The following CALN1 variants were observed in gnomAD, a reference collection of about 807,000 sequenced individuals.
CALN1 encodes the protein calneuron 1, also known as calcium-binding protein 8.
In CALN1, 17 loss-of-function variants were observed where a neutral mutation model predicts 30.6. That is an observed-to-expected ratio of 0.56 (90% CI 0.38 to 0.83). The LOEUF is 0.83. CALN1 is among the 40% of genes least tolerant of loss of function. CALN1 has a pLI of 0.00. For missense variants in CALN1, 291 were observed against 354.9 expected, an observed-to-expected ratio of 0.82 and a Z score of 1.45; for synonymous variants, 156 against 131.4, an observed-to-expected ratio of 1.19 and a Z score of -1.28.
chr7:72,030,883 A>G (rs770069898), intron 4 of CALN1, among the ~76,000 whole-genome samples: 33 of 152,080 alleles, frequency 2.2e-4, no homozygotes, highest in Non-Finnish European at 4.3e-4. Context: ...AGTACCTGGA[A>G]CTACAGGAGC....
intron 5 of CALN1, among the ~76,000 whole-genome samples, chr7:71,826,159 A>G (rs1788903624): frequency 6.6e-6 from 1 of 151,742 alleles, no homozygotes; most frequent in Admixed American, 6.6e-5. Context: ...GAGAGACAGG[A>G]GGACAGAGAG....
intron 3 of CALN1, among the ~76,000 whole-genome samples, chr7:72,228,344 G>A (rs1337556044): frequency 6.6e-6 from 1 of 151,626 alleles, no homozygotes; most frequent in Non-Finnish European, 1.5e-5. Context: ...ATAACAATTA[G>A]TTTAAATGTC....
chr7:72,372,496 A>G (rs890882790), intron 2 of CALN1, among the ~76,000 whole-genome samples: 1 of 152,182 alleles, frequency 6.6e-6, no homozygotes, highest in African/African-American at 2.4e-5. Context: ...GATAGGGAAA[A>G]GTTTGCTAAA....
intron 3 of CALN1, among the ~76,000 whole-genome samples, chr7:72,273,899 G>GA (rs948140844): frequency 8.6e-5 from 13 of 151,572 alleles, no homozygotes; most frequent in African/African-American, 1.2e-4. Context: ...AAGCATAATA[G>GA]AAAAAAGCAA....
intron 1 of CALN1, among the ~76,000 whole-genome samples, chr7:72,406,487 G>A (rs775184316): frequency 1.4e-4 from 22 of 152,150 alleles, no homozygotes; most frequent in Non-Finnish European, 2.8e-4. Flanking sequence ...GTCCTCTAAA[G>A]TCCATTTGCT....
chr7:72,502,472 C>T, the CALN1 span, among the ~76,000 whole-genome samples: 1 of 151,074 alleles, frequency 6.6e-6, no homozygotes, highest in Non-Finnish European at 1.5e-5. Context: ...ACTACTGTTA[C>T]AGGCATTTAA....
intron 3 of CALN1, among the ~76,000 whole-genome samples, chr7:72,175,336 G>C (rs1161182445): frequency 3.9e-5 from 6 of 152,148 alleles, no homozygotes; most frequent in Non-Finnish European, 8.8e-5. Flanking sequence ...GCCTCCCAAA[G>C]TGTTGGGATT....
chr7:72,397,251 A>T (rs1227529699), intron 2 of CALN1, among the ~76,000 whole-genome samples: 1 of 152,182 alleles, frequency 6.6e-6, no homozygotes, highest in Non-Finnish European at 1.5e-5. Context: ...ATACTGAAGC[A>T]GAAGTAACAA....
At chr7:72,364,599 C>T (rs528873808) in intron 2 of CALN1, among the ~76,000 whole-genome samples, 5 of 152,126 alleles carry the variant, frequency 3.3e-5, no homozygotes, top group African/African-American at 1.2e-4. Context: ...ATGAACAAAA[C>T]ACAGAATTAT....
intron 3 of CALN1, among the ~76,000 whole-genome samples, chr7:72,115,675 GC>G (rs1034228299): frequency 1.3e-5 from 2 of 151,416 alleles, no homozygotes; most frequent in South Asian, 2.1e-4. Context: ...TTTTAGTAGA[GC>G]CGGGTTTCGC....
intron 4 of CALN1, among the ~76,000 whole-genome samples, chr7:72,062,261 T>G (rs1803705869): frequency 6.6e-6 from 1 of 152,170 alleles, no homozygotes; most frequent in South Asian, 2.1e-4. Context: ...ACGCCTGTGA[T>G]CCCAGCACTT....
intron 3 of CALN1, among the ~76,000 whole-genome samples, chr7:72,236,425 G>C (rs541858124): frequency 6.6e-6 from 1 of 152,280 alleles, no homozygotes; most frequent in East Asian, 1.9e-4. Flanking sequence ...GTCTCTCATC[G>C]AGCAAGTTCT....
rs139505932 is a variant in CALN1, at chr7:72,424,696, G to A, written c.-225-12421C>T. Among the ~76,000 whole-genome samples the A allele has an allele frequency of 3.4e-3, 518 of 151,910 alleles. 1 individual carries two copies. Among genetic ancestry groups the A allele is most frequent in the African/African-American group, 0.012 (479 of 41,424 alleles). ...ACTGCAGCCTCAAACTTCTGACCTCGGGAGATCCTTCAACCTTAGCCTCCC... is the reference window on the plus strand; with the variant it reads ...ACTGCAGCCTCAAACTTCTGACCTCAGGAGATCCTTCAACCTTAGCCTCCC... On this transcript the variant is annotated intron_variant, in intron 1 of 6. Transcript: ENST00000395276.
intron 3 of CALN1, among the ~76,000 whole-genome samples, chr7:72,190,279 G>A (rs1256674065): frequency 1.3e-5 from 2 of 152,184 alleles, no homozygotes; most frequent in East Asian, 1.9e-4. Flanking sequence ...CCAGGAGGGA[G>A]AGGTTGCAGT....
chr7:72,079,337 G>A (rs1403625235), intron 4 of CALN1, among the ~76,000 whole-genome samples: 2 of 152,132 alleles, frequency 1.3e-5, no homozygotes, highest in Non-Finnish European at 2.9e-5. Flanking sequence ...ATATGTAAGA[G>A]GAGTCTATTC....
At chr7:72,302,016 T>C (rs1799299693) in intron 2 of CALN1, among the ~76,000 whole-genome samples, 1 of 152,002 alleles carries the variant, frequency 6.6e-6, no homozygotes, top group Non-Finnish European at 1.5e-5. Flanking sequence ...AATGTAATGC[T>C]TCAGGGAGAG....
At chr7:72,259,980 C>T (rs948882769) in intron 3 of CALN1, among the ~76,000 whole-genome samples, 2 of 152,192 alleles carry the variant, frequency 1.3e-5, no homozygotes, top group Non-Finnish European at 2.9e-5. Context: ...GCAAAACACT[C>T]CAGTGCTTTG....
chr7:71,834,539 T>C (rs1789497662), intron 5 of CALN1, among the ~76,000 whole-genome samples: 1 of 152,154 alleles, frequency 6.6e-6, no homozygotes, highest in Non-Finnish European at 1.5e-5. Flanking sequence ...AGCTATTGTG[T>C]TCTGAGATGT....
intron 5 of CALN1, among the ~76,000 whole-genome samples, chr7:71,969,827 AT>A (rs35595164): frequency 0.1 from 14,351 of 141,944 alleles, 1,044 homozygotes; most frequent in East Asian, 0.33. Flanking sequence ...CTGTAGGACC[AT>A]TTTTTTTTTT....
Sources: allele counts gnomAD v4.1 joint callset (sites outside exome capture counted in the v4.1 genomes callset), GRCh38; gene constraint gnomAD v4.1.1; transcripts MANE v1.5; gene names NCBI Gene and HGNC (gene_info 2026-07-23, HGNC 2026-07-21).